Variants in MMS19 observed in about 807,000 individuals in gnomAD.
The protein encoded by MMS19 is MMS19 nucleotide excision repair protein homolog.
A neutral mutation model predicts 129.8 loss-of-function variants in MMS19; 77 were observed. The ratio of observed to expected loss-of-function variants is 0.59; its 90% CI spans 0.49 to 0.72. MMS19 has a LOEUF of 0.72. Among genes scored for constraint, MMS19 ranks in the 30% least tolerant of loss-of-function variants. The pLI, the probability that MMS19 is intolerant of heterozygous loss-of-function variation, is 0.00. For synonymous variants in MMS19, 491 were observed against 502.8 expected (o/e 0.98, Z 0.31); for missense variants, 1,168 against 1,266.3 (o/e 0.92, Z 1.18).
intron 26 of MMS19, 138 bp downstream of exon 26, chr10:97,459,908 G>T: frequency 1.9e-6 from 2 of 1,051,116 alleles, no homozygotes; most frequent in Non-Finnish European, 2.8e-6. Context: ...AGTGGGACAA[G>T]AATCTAGAAG....
chr10:97,465,095 C>T (rs927586037), intron 18 of MMS19, among the ~76,000 whole-genome samples: 3 of 152,074 alleles, frequency 2.0e-5, no homozygotes, highest in Admixed American at 6.6e-5. Context: ...CTGCAACCTC[C>T]GCCTCCCAGG....
At position 97,478,305 on chromosome 10, in the gene MMS19, A is replaced by G. The variant is rs776215990; in HGVS notation, c.347T>C (p.Leu116Pro). 6.3e-7 allele frequency: 1 copy of G among 1,593,912 alleles called. No homozygotes were observed. The highest frequency in any genetic ancestry group is 1.1e-5 in the South Asian group (1 of 87,192). ...GTAATGAAATGAAGGAAAACTCACA[A>G]GTGCCTTCAAACCCTGCAGGACAGA... ...IPSVLQGLKA[L>P]SLCVALPPGL... is the part of the protein sequence containing the mutation. The change falls in exon 4 of 31, where the codon CTT becomes CCT. Residue 116 changes from leucine (L) to proline (P), a missense_variant and splice_region_variant. Coordinates refer to ENST00000438925, the MANE Select transcript of MMS19 (RefSeq NM_022362.5).
chr10:97,470,030 G>T, intron 10 of MMS19, 99 bp downstream of exon 10: 1 of 854,870 alleles, frequency 1.2e-6, no homozygotes, highest in Non-Finnish European at 1.9e-6. Flanking sequence ...CTCTTCTGAG[G>T]CCCATGAACT....
Position 97,476,832 on chromosome 10 carries a change from T to C in MMS19, c.622+3A>G. 6.2e-7 allele frequency: 1 copy of C among 1,613,936 alleles called. No individual in the cohort carries two copies. Among genetic ancestry groups the C allele is most frequent in the South Asian group, 1.1e-5 (1 of 91,076 alleles). ...TGAGCTAATCATGGCTACCACGATA[T>C]ACCCAGGCTATAGTCCCTGGAGATG... On this transcript the variant is annotated splice_donor_region_variant and intron_variant, in intron 7 of 30. Transcript: ENST00000438925.
intron 1 of MMS19, among the ~76,000 whole-genome samples, chr10:97,494,879 C>T (rs950087580): frequency 6.6e-6 from 1 of 152,202 alleles, no homozygotes; most frequent in Non-Finnish European, 1.5e-5. Flanking sequence ...ATTGCATTCA[C>T]TCAAGCAGTT....
In MMS19 at chr10:97,465,882, G is replaced by A. The variant is rs1243645340; in HGVS notation, c.1679C>T (p.Ser560Leu). 1 of 1,613,986 alleles carries A rather than the reference G, an allele frequency of 6.2e-7. No homozygotes were observed. Among genetic ancestry groups the A allele is most frequent in the Admixed American group, 1.7e-5 (1 of 60,024 alleles). Reference protein sequence around the residue: ...SRHLCCLQALSAVSTHPSIVK... With the variant: ...SRHLCCLQALLAVSTHPSIVK... ...GATGCTGGGATGTGTTGATACAGCT[G>A]ACAAGGCTTGCAGACAGCACAGATG... The change falls in exon 18 of 31, where the codon TCA (serine) becomes TTA (leucine). Residue 560 changes from serine to leucine, a missense_variant. By Grantham distance (145) the Ser-to-Leu change is moderately radical (BLOSUM62 -2). Transcript: ENST00000438925.
Position 97,461,883 on chromosome 10 carries a change from C to G in MMS19, c.2129G>C (p.Gly710Ala). 6.2e-7 allele frequency: 1 copy of G among 1,605,948 alleles called. No individual in the cohort carries two copies. The highest frequency in any genetic ancestry group is 8.5e-7 in the Non-Finnish European group (1 of 1,176,312). Residue 710 changes from glycine (G) to alanine (A), a missense_variant, in exon 22 of 31, where the codon GGG (glycine) becomes GCG (alanine). Transcript: ENST00000438925. ...AAGCAGTGCAATCAGCCGCCTCTGC[C>G]CTGAGGAGCCATCCTATAAAGGAAG... is the stretch of plus-strand genomic sequence containing the variant. Reference protein sequence around the residue: ...RFQPFQDGSSGQRRLIALLMA... With the variant: ...RFQPFQDGSSAQRRLIALLMA...
chr10:97,485,608 G>A (rs555874781), intron 1 of MMS19, among the ~76,000 whole-genome samples: 29 of 152,060 alleles, frequency 1.9e-4, no homozygotes, highest in Admixed American at 5.2e-4. Flanking sequence ...ACTGCACCTG[G>A]CCCTAATTTT....
Position 97,480,995 on chromosome 10 carries a change from T to G in MMS19, c.209A>C (p.Gln70Pro), listed in dbSNP as rs2036691433. 1 of 1,610,486 alleles carries G rather than the reference T, an allele frequency of 6.2e-7. No homozygotes were observed. The highest frequency in any genetic ancestry group is 1.3e-5 in the African/African-American group (1 of 74,888). ...GTGGAGTAGCACCTGTGACAAAAGC[T>G]GGATTGCTCGTGCCCGAGTTCGGGG... ...PEPRTRARAI[Q>P]LLSQVLLHCH... The change falls in exon 3 of 31, where the codon CAG becomes CCG. Residue 70 changes from glutamine to proline, a missense_variant. Coordinates refer to ENST00000438925, the MANE Select transcript of MMS19 (RefSeq NM_022362.5).
Position 97,468,285 on chromosome 10 carries a change from A to T in MMS19, c.1185T>A (p.Pro395=). ...ACDSVTSNVL[P]LLLEQFHKHS... is the part of the protein sequence containing the mutation. The stretch of plus-strand genomic sequence containing the variant: ...GCTTGTGGAACTGTTCCAGCAGTAA[A>T]GGCAGTACATTGCTGGTGACAGAGT... The change falls in exon 13 of 31, where the codon CCT becomes CCA. Residue 395 remains proline (P), a synonymous_variant. Transcript: ENST00000438925. 6.2e-7 allele frequency: 1 copy of T among 1,608,042 alleles called. No homozygotes were observed. The highest frequency in any genetic ancestry group is 8.5e-7 in the Non-Finnish European group (1 of 1,176,242).
intron 13 of MMS19, among the ~76,000 whole-genome samples, 177 bp downstream of exon 13, chr10:97,468,075 T>A (rs1313905615): frequency 6.6e-6 from 1 of 152,026 alleles, no homozygotes; most frequent in Non-Finnish European, 1.5e-5. Context: ...CTTGGGAGAA[T>A]GATCCTTTTA....
chr10:97,498,726 C>T (rs1306683652), upstream of MMS19: 7 of 352,618 alleles, frequency 2.0e-5, no homozygotes, highest in Non-Finnish European at 3.1e-5. Flanking sequence ...AAATCAGGCC[C>T]AGCCCTAGGG....
In MMS19 at chr10:97,498,420, G is replaced by A. The variant is rs776604596; in HGVS notation, c.-36C>T. ...AGAGACCGTGGGAGGGGATATGGGC[G>A]GTGGCTCGAGACGGGCTCTCCGCGC... On this transcript the variant is annotated 5_prime_UTR_variant, in exon 1 of 31. Transcript: ENST00000438925. The A allele has an allele frequency of 8.3e-6, 13 of 1,567,822 alleles. No homozygotes were observed. Among genetic ancestry groups the A allele is most frequent in the African/African-American group, 2.7e-5 (2 of 73,928 alleles).
chr10:97,458,920 A>T lies in MMS19; in HGVS notation c.2965-20T>A. The T allele has an allele frequency of 6.2e-7, 1 of 1,612,396 alleles. No homozygotes were observed. The highest frequency in any genetic ancestry group is 2.2e-5 in the East Asian group (1 of 44,864). On this transcript the variant is annotated intron_variant, in intron 29 of 30. Transcript: ENST00000438925. ...CAGCAGCTGTGGAGTCAGAGGATAT[A>T]ATCAACCTTGCTCATCCAAGGCAAC...
intron 1 of MMS19, among the ~76,000 whole-genome samples, chr10:97,497,129 A>T (rs1165803553): frequency 1.3e-5 from 2 of 152,214 alleles, no homozygotes; most frequent in African/African-American, 4.8e-5. Context: ...TGATGCTTCC[A>T]AACTACGCTG....
chr10:97,468,765 C>T (rs1023993697), intron 12 of MMS19, among the ~76,000 whole-genome samples: 4 of 152,220 alleles, frequency 2.6e-5, no homozygotes, highest in South Asian at 2.1e-4. Flanking sequence ...TCCACCACCA[C>T]GCCCGGCTAA....
intron 1 of MMS19, among the ~76,000 whole-genome samples, chr10:97,489,571 A>C (rs575211003): frequency 8.5e-5 from 13 of 152,334 alleles, no homozygotes; most frequent in African/African-American, 2.9e-4. Flanking sequence ...ACTGATACAC[A>C]CTATTAACTA....
intron 1 of MMS19, among the ~76,000 whole-genome samples, chr10:97,494,063 A>G (rs1777165114): frequency 6.6e-6 from 1 of 152,188 alleles, no homozygotes; most frequent in Non-Finnish European, 1.5e-5. Flanking sequence ...AATACCTGGA[A>G]ATACTATTAA....
In MMS19 at chr10:97,461,997, G is replaced by A; in HGVS notation, c.2115+20C>T. 7 of 1,575,138 alleles carry A rather than the reference G, an allele frequency of 4.4e-6. No individual in the cohort carries two copies. Among genetic ancestry groups the A allele is most frequent in the South Asian group, 2.3e-5 (2 of 85,700 alleles). On this transcript the variant is annotated intron_variant, in intron 21 of 30. Coordinates refer to ENST00000438925, the MANE Select transcript of MMS19 (RefSeq NM_022362.5). ...CTAAAAAAAAACCAGCTTGAAGGAT[G>A]TAAGTTCTAAGACTGTTACCTGGAA...
Sources: allele counts gnomAD v4.1 joint callset (sites outside exome capture counted in the v4.1 genomes callset), GRCh38; gene constraint gnomAD v4.1.1; transcripts MANE v1.5; gene names NCBI Gene and HGNC (gene_info 2026-07-23, HGNC 2026-07-21).